The following MED12L variants were observed in gnomAD, a reference collection of about 807,000 sequenced individuals.
MED12L encodes the protein mediator of RNA polymerase II transcription subunit 12-like protein.
In MED12L, 60 loss-of-function variants were observed where a neutral mutation model predicts 281.3. The observed-to-expected ratio is 0.21, with a 90% confidence interval of 0.17 to 0.26. The LOEUF is 0.26. Among genes scored for constraint, MED12L ranks in the 10% least tolerant of loss-of-function variants. The pLI is 1.00. For synonymous variants in MED12L, 974 were observed against 987.2 expected, an observed-to-expected ratio of 0.99 and a Z score of 0.25; for missense variants, 2,146 against 2,680.9, an observed-to-expected ratio of 0.80 and a Z score of 4.41.
intron 18 of MED12L, 69 bp downstream of exon 18, chr3:151,355,308 G>C: frequency 9.8e-7 from 1 of 1,022,820 alleles, no homozygotes; most frequent in Non-Finnish European, 1.5e-6. Context: ...TTTTCATGCA[G>C]TATATTTTCT....
chr3:151,195,896 A>G (rs1459453455), intron 16 of MED12L, among the ~76,000 whole-genome samples: 3 of 152,176 alleles, frequency 2.0e-5, no homozygotes, highest in Non-Finnish European at 4.4e-5. Context: ...AAGTTTATTT[A>G]AAAGAAAGAA....
chr3:151,367,825 T>G, intron 24 of MED12L, 59 bp downstream of exon 24: 1 of 1,552,764 alleles, frequency 6.4e-7, no homozygotes, highest in East Asian at 2.3e-5. Context: ...TGGAGTGGTT[T>G]CTAACATTAC....
At chr3:151,398,101 T>C (rs1715215672) in intron 39 of MED12L, among the ~76,000 whole-genome samples, 1 of 152,212 alleles carries the variant, frequency 6.6e-6, no homozygotes, top group African/African-American at 2.4e-5. Flanking sequence ...AAATGAATAA[T>C]GTAAGATTTG....
chr3:151,225,883 T>A (rs536597676), intron 16 of MED12L, among the ~76,000 whole-genome samples: 69 of 152,344 alleles, frequency 4.5e-4, no homozygotes, highest in African/African-American at 1.6e-3. Context: ...TTGCTTGCAG[T>A]TTTTGATATC....
At chr3:151,321,831 GTCTCAACTTCCATTCC>G (rs1425144265) in intron 16 of MED12L, among the ~76,000 whole-genome samples, 1 of 151,514 alleles carries the variant, frequency 6.6e-6, no homozygotes, top group African/African-American at 2.4e-5. Flanking sequence ...CCCCCCAATT[GTCTCAACTTCCATTCC>G]TACCATTTTC....
intron 8 of MED12L, among the ~76,000 whole-genome samples, chr3:151,162,987 G>A (rs1003285148): frequency 1.3e-5 from 2 of 152,174 alleles, no homozygotes; most frequent in African/African-American, 2.4e-5. Flanking sequence ...AGTGTTCAGC[G>A]TAGACTAAGT....
rs1577588544 is a variant in MED12L, at chr3:151,411,467, C to G, written c.6100C>G (p.Gln2034Glu). The stretch of plus-strand genomic sequence containing the variant: ...GCAGCCGAGTGGCTATGTTCAGCAG[C>G]AGGCCTCGCCGTACCTGCAGCCCCT... Reference protein sequence around the residue: ...QQQPSGYVQQQASPYLQPLTG... With the variant: ...QQQPSGYVQQEASPYLQPLTG... Residue 2034 changes from glutamine to glutamate, a missense_variant, in exon 41 of 45, where the codon CAG (glutamine) becomes GAG (glutamate). By Grantham distance (29) the Gln-to-Glu change is conservative (BLOSUM62 2). Coordinates refer to ENST00000687756, the MANE Select transcript of MED12L (RefSeq NM_001393769.1). 6.2e-7 allele frequency: 1 copy of G among 1,614,238 alleles called. No homozygotes were observed. The highest frequency in any genetic ancestry group is 1.3e-5 in the African/African-American group (1 of 75,062).
chr3:151,346,358 C>A (rs1752536751), intron 16 of MED12L, among the ~76,000 whole-genome samples: 1 of 152,102 alleles, frequency 6.6e-6, no homozygotes, highest in African/African-American at 2.4e-5. Flanking sequence ...TTTTGATGAT[C>A]TTCATAACGC....
intron 37 of MED12L, 23 bp downstream of exon 37, chr3:151,388,195 A>G (rs1250839671): frequency 6.4e-7 from 1 of 1,565,594 alleles, no homozygotes; most frequent in Non-Finnish European, 8.6e-7. Context: ...AGGAAGGAGA[A>G]CCTTGGCTCA....
intron 16 of MED12L, among the ~76,000 whole-genome samples, chr3:151,322,329 G>T (rs995894288): frequency 4.6e-5 from 7 of 152,122 alleles, no homozygotes; most frequent in Admixed American, 6.5e-5. Context: ...GGGACTACAG[G>T]TGCATGCCAC....
intron 5 of MED12L, among the ~76,000 whole-genome samples, chr3:151,141,178 G>GTTTGTTTGTTTTTTTTTTTTTTTTTT (rs1553808456): frequency 9.8e-6 from 1 of 102,190 alleles, no homozygotes; most frequent in African/African-American, 4.3e-5. Context: ...TTTTTTTTTT[G>GTTTGTTTGTTTTTTTTTTTTTTTTTT]TTTTTTTTGT....
intron 4 of MED12L, among the ~76,000 whole-genome samples, chr3:151,126,811 G>T (rs1026096012): frequency 6.6e-6 from 1 of 152,112 alleles, no homozygotes; most frequent in Non-Finnish European, 1.5e-5. Flanking sequence ...TCATGTAATT[G>T]TTTTGCTTTA....
chr3:151,332,330 A>G (rs141253030), intron 16 of MED12L, among the ~76,000 whole-genome samples: 185 of 152,372 alleles, frequency 1.2e-3, no homozygotes, highest in African/African-American at 4.0e-3. Flanking sequence ...CTATACTTCT[A>G]TACTCTTAGA....
At chr3:151,308,240 A>G (rs1313047435) in intron 16 of MED12L, among the ~76,000 whole-genome samples, 1 of 152,154 alleles carries the variant, frequency 6.6e-6, no homozygotes, top group Non-Finnish European at 1.5e-5. Flanking sequence ...TTTGAGTAAA[A>G]TTCCTACTAC....
intron 16 of MED12L, among the ~76,000 whole-genome samples, chr3:151,210,274 G>T (rs1726950633): frequency 6.6e-6 from 1 of 152,220 alleles, no homozygotes; most frequent in African/African-American, 2.4e-5. Context: ...GGGGGATGGG[G>T]TCAGCTGCAT....
At chr3:151,291,142 T>C (rs2149672111) in intron 16 of MED12L, among the ~76,000 whole-genome samples, 1 of 82,816 alleles carries the variant, frequency 1.2e-5, no homozygotes, top group East Asian at 3.6e-4. Flanking sequence ...ATTTTGTCCT[T>C]GTTTTCTGTT....
rs147737092 is a variant in MED12L, at chr3:151,149,275, C to T, written c.557-6886C>T. On this transcript the variant is annotated intron_variant, in intron 5 of 44. Transcript: ENST00000687756. ...AGGGAACTAAATGTTAGAATACAGG[C>T]AAGTAGAGAAGGTACAGACATTCTT... 2.3e-3 allele frequency among the ~76,000 whole-genome samples: 354 copies of T among 152,164 alleles called. 1 individual carries two copies. The highest frequency in any genetic ancestry group is 8.2e-3 in the African/African-American group (339 of 41,502).
chr3:151,124,516 G>C (rs1446452071), intron 4 of MED12L, among the ~76,000 whole-genome samples: 1 of 152,136 alleles, frequency 6.6e-6, no homozygotes, highest in African/African-American at 2.4e-5. Context: ...ATCTCTTTTA[G>C]AATGGGGTAA....
chr3:151,295,066 A>G, intron 16 of MED12L: 1 of 1,613,776 alleles, frequency 6.2e-7, no homozygotes, highest in Non-Finnish European at 8.5e-7. Context: ...CTGCTAAACC[A>G]TTCAGCAAGA....
Sources: allele counts gnomAD v4.1 joint callset (sites outside exome capture counted in the v4.1 genomes callset), GRCh38; gene constraint gnomAD v4.1.1; transcripts MANE v1.5; gene names NCBI Gene and HGNC (gene_info 2026-07-23, HGNC 2026-07-21).